IFT81: variants seen among roughly 807,000 people sequenced by gnomAD.
The protein encoded by IFT81 is intraflagellar transport protein 81 homolog.
In IFT81, 72 loss-of-function variants were observed where a neutral mutation model predicts 102.6. The ratio of observed to expected loss-of-function variants is 0.70; its 90% CI spans 0.58 to 0.85. The LOEUF (loss-of-function observed/expected upper bound fraction) is 0.85, where lower values mean the gene tolerates loss of function less well. IFT81 is among the 40% of genes least tolerant of loss of function. The pLI is 0.00. For synonymous variants in IFT81, 237 were observed against 242.7 expected (o/e 0.98, Z 0.22); for missense variants, 723 against 787.3 (o/e 0.92, Z 0.98).
At chr12:110,150,455 A>G (rs1362449633) in intron 10 of IFT81, among the ~76,000 whole-genome samples, 1 of 152,056 alleles carries the variant, frequency 6.6e-6, no homozygotes, top group East Asian at 1.9e-4. Context: ...TCTTTTTCAT[A>G]AAGTACACCA....
chr12:110,191,083 T>C, intron 13 of IFT81, 35 bp downstream of exon 13: 2 of 1,575,128 alleles, frequency 1.3e-6, no homozygotes, highest in Non-Finnish European at 1.7e-6. Flanking sequence ...TCTTTTATTG[T>C]GTAGCTAGAA....
At chr12:110,210,904 G>A (rs1466960129) in intron 18 of IFT81, among the ~76,000 whole-genome samples, 4 of 151,088 alleles carry the variant, frequency 2.6e-5, no homozygotes, top group African/African-American at 9.7e-5. Context: ...AGGCTGGCTG[G>A]AGTGCAGTGG....
At chr12:110,179,767 T>C (rs1445941404) in intron 11 of IFT81, among the ~76,000 whole-genome samples, 7,480 of 66,380 alleles carry the variant, frequency 0.11, 802 homozygotes, top group African/African-American at 0.29. Flanking sequence ...TATATATATA[T>C]ATATATACAC....
At chr12:110,164,453 G>A (rs112027636) in intron 11 of IFT81, among the ~76,000 whole-genome samples, 2,990 of 152,072 alleles carry the variant, frequency 0.02, 100 homozygotes, top group African/African-American at 0.068. Context: ...AATTTTTACA[G>A]GCTTTTAAAT....
At chr12:110,165,724 A>C (rs964235109) in intron 11 of IFT81, among the ~76,000 whole-genome samples, 2 of 152,214 alleles carry the variant, frequency 1.3e-5, no homozygotes, top group Non-Finnish European at 2.9e-5. Flanking sequence ...GTAAGTGGCC[A>C]AGCTAAGACC....
At chr12:110,188,660 C>T (rs1315311981) in intron 12 of IFT81, among the ~76,000 whole-genome samples, 1 of 151,594 alleles carries the variant, frequency 6.6e-6, no homozygotes, top group African/African-American at 2.4e-5. Flanking sequence ...CACGGTGGCT[C>T]ACGCCTGTAA....
intron 10 of IFT81, among the ~76,000 whole-genome samples, chr12:110,159,326 G>A (rs746057960): frequency 6.6e-6 from 1 of 152,056 alleles, no homozygotes; most frequent in Non-Finnish European, 1.5e-5. Context: ...TGGGCGTGGT[G>A]GTGTGTACCT....
chr12:110,180,592 G>T, intron 12 of IFT81, 21 bp downstream of exon 12: 1 of 1,566,230 alleles, frequency 6.4e-7, no homozygotes, highest in Admixed American at 1.7e-5. Context: ...ATTATCTTGG[G>T]CTACTATAAA....
chr12:110,147,770 G>T (rs1895308119), intron 10 of IFT81, among the ~76,000 whole-genome samples: 1 of 152,110 alleles, frequency 6.6e-6, no homozygotes, highest in Non-Finnish European at 1.5e-5. Flanking sequence ...GGCCATTCTT[G>T]TTTCCTCTAT....
chr12:110,210,288 C>T (rs546763648), intron 18 of IFT81, among the ~76,000 whole-genome samples: 45 of 152,026 alleles, frequency 3.0e-4, no homozygotes, highest in Non-Finnish European at 5.3e-4. Flanking sequence ...AACTGAAGTA[C>T]GTAGATGAGA....
chr12:110,216,434 A>G (rs983895665), intron 18 of IFT81: 8 of 447,962 alleles, frequency 1.8e-5, no homozygotes, highest in African/African-American at 1.4e-4. Context: ...AGCTCAAGCA[A>G]TCCTCCTGCC....
intron 11 of IFT81, among the ~76,000 whole-genome samples, chr12:110,173,150 G>A (rs1593333511): frequency 3.4e-5 from 5 of 146,340 alleles, no homozygotes; most frequent in South Asian, 2.2e-4. Context: ...CAGCCGCCCC[G>A]TCCAGGAGGG....
At chr12:110,190,872 C>T (rs1897762118) in intron 12 of IFT81, 48 bp from the exon 13 acceptor site, 11 of 1,438,854 alleles carry the variant, frequency 7.6e-6, no homozygotes, top group Non-Finnish European at 1.0e-5. Flanking sequence ...TTATGGGAGC[C>T]AGCAAGATTT....
At chr12:110,166,215 T>C (rs1328630871) in intron 11 of IFT81, among the ~76,000 whole-genome samples, 1 of 152,212 alleles carries the variant, frequency 6.6e-6, no homozygotes, top group African/African-American at 2.4e-5. Context: ...GTCAATCACT[T>C]GGATGAAGAA....
chr12:110,202,774 A>G (rs1898359726), intron 14 of IFT81, among the ~76,000 whole-genome samples: 1 of 152,116 alleles, frequency 6.6e-6, no homozygotes, highest in African/African-American at 2.4e-5. Flanking sequence ...TCTTAGCAGT[A>G]TAATCTTTGG....
chr12:110,218,343 C>A lies in IFT81; in HGVS notation c.*117C>A. 1 of 678,068 alleles carries A rather than the reference C, an allele frequency of 1.5e-6. No individual in the cohort carries two copies. The highest frequency in any genetic ancestry group is 2.3e-6 in the Non-Finnish European group (1 of 435,440). 42.0% of individuals were successfully genotyped at this position (678,068 alleles called of 1,614,324 possible). On this transcript the variant is annotated 3_prime_UTR_variant, in exon 19 of 19. Transcript: ENST00000242591. ...GCATTTTGTTTTCAGAAGAGCCATT[C>A]TTTATTAAGTTTTCATAGAAAATAA... is the stretch of plus-strand genomic sequence containing the variant.
intron 11 of IFT81, among the ~76,000 whole-genome samples, chr12:110,171,280 TG>T (rs1209799777): frequency 6.6e-6 from 1 of 151,412 alleles, no homozygotes; most frequent in Admixed American, 6.6e-5. Context: ...TTTTTTTTTC[TG>T]GAGAATTAAC....
intron 17 of IFT81, among the ~76,000 whole-genome samples, chr12:110,207,534 C>T (rs1316136522): frequency 1.3e-5 from 2 of 149,714 alleles, no homozygotes; most frequent in African/African-American, 2.4e-5. Flanking sequence ...GTTCTGTGTT[C>T]CTTTACCCCT....
chr12:110,137,874 G>A (rs938062443), intron 8 of IFT81, among the ~76,000 whole-genome samples: 5 of 152,174 alleles, frequency 3.3e-5, no homozygotes, highest in Admixed American at 2.0e-4. Flanking sequence ...CCTTAAAACC[G>A]AGTGTTTTTC....
Sources: allele counts gnomAD v4.1 joint callset (sites outside exome capture counted in the v4.1 genomes callset), GRCh38; gene constraint gnomAD v4.1.1; transcripts MANE v1.5; gene names NCBI Gene and HGNC (gene_info 2026-07-23, HGNC 2026-07-21).